The following VPS26C variants were observed in gnomAD, a reference collection of about 807,000 sequenced individuals.
VPS26C encodes vacuolar protein sorting-associated protein 26C.
VPS26C carries 19 observed loss-of-function variants against 30.6 expected under a neutral mutation model. The ratio of observed to expected loss-of-function variants is 0.62; its 90% CI spans 0.43 to 0.91. The LOEUF (loss-of-function observed/expected upper bound fraction) is 0.91, where lower values mean the gene tolerates loss of function less well. Among genes scored for constraint, VPS26C ranks in the 40% least tolerant of loss-of-function variants. VPS26C has a pLI of 0.00. For synonymous variants in VPS26C, 132 were observed against 151.5 expected, an observed-to-expected ratio of 0.87 and a Z score of 0.95; for missense variants, 318 against 385.1, an observed-to-expected ratio of 0.83 and a Z score of 1.46.
chr21:37,225,665 AC>A (rs746176116), intron 7 of VPS26C, 39 bp from the exon 8 acceptor site: 33 of 1,560,598 alleles, frequency 2.1e-5, no homozygotes, highest in Non-Finnish European at 2.9e-5. Flanking sequence ...GCTCACTGTT[AC>A]CAAGCAGCGA....
chr21:37,266,772 T>C (rs1009964798), intron 1 of VPS26C: 6 of 184,560 alleles, frequency 3.3e-5, no homozygotes, highest in African/African-American at 7.2e-5. Context: ...CCATCTAATA[T>C]ATGCTGCCGC....
chr21:37,263,804 G>A (rs916313125), intron 1 of VPS26C, among the ~76,000 whole-genome samples: 3 of 152,110 alleles, frequency 2.0e-5, no homozygotes, highest in African/African-American at 7.2e-5. Flanking sequence ...TCAAATCTTT[G>A]GTAACTGAAT....
intron 1 of VPS26C, among the ~76,000 whole-genome samples, chr21:37,255,141 A>G (rs1341810409): frequency 6.6e-6 from 1 of 152,224 alleles, no homozygotes; most frequent in Non-Finnish European, 1.5e-5. Context: ...TCAAACTATC[A>G]TGACTGTATT....
At chr21:37,252,872 GA>G (rs1331547402) in intron 1 of VPS26C, among the ~76,000 whole-genome samples, 1 of 152,162 alleles carries the variant, frequency 6.6e-6, no homozygotes, top group East Asian at 1.9e-4. Context: ...TGACATTCTG[GA>G]AAAAGCAAAC....
At chr21:37,252,452 A>C (rs1258297165) in intron 1 of VPS26C, among the ~76,000 whole-genome samples, 2 of 152,202 alleles carry the variant, frequency 1.3e-5, no homozygotes, top group African/African-American at 4.8e-5. Context: ...AGTTCCAGGA[A>C]AGAGAATTTT....
chr21:37,236,301 G>A (rs769615105), intron 3 of VPS26C, among the ~76,000 whole-genome samples: 1 of 152,088 alleles, frequency 6.6e-6, no homozygotes, highest in African/African-American at 2.4e-5. Flanking sequence ...GTCTCTGGGC[G>A]GCACTTGCTC....
At position 37,240,602 on chromosome 21, in the gene VPS26C, T is replaced by G. The variant is rs2086076393; in HGVS notation, c.95A>C (p.Asp32Ala). 2.5e-6 allele frequency: 4 copies of G among 1,614,086 alleles called. No homozygotes were observed. The South Asian group carries it at 4.4e-5, about 18-fold the overall frequency. Residue 32 changes from aspartate to alanine, a missense_variant, in exon 2 of 8, where the codon GAT becomes GCT. By Grantham distance (126) the Asp-to-Ala change is moderately radical (BLOSUM62 -2). Coordinates refer to ENST00000309117, the MANE Select transcript of VPS26C (RefSeq NM_006052.2). ...LSGVVVISSKDSVQHQGVSLT... is the reference protein window; with the variant it reads ...LSGVVVISSKASVQHQGVSLT... ...AGACACTCCCTGGTGTTGGACTGAA[T>G]CCTTACTCGATATGACCACCACGCC...
rs1347533879 is a variant in VPS26C, at chr21:37,257,772, G to A, written c.57+9466C>T. Among the ~76,000 whole-genome samples, 1 of 152,182 alleles carries A rather than the reference G, an allele frequency of 6.6e-6. No individual in the cohort carries two copies. Among genetic ancestry groups the A allele is most frequent in the African/African-American group, 2.4e-5 (1 of 41,440 alleles). On this transcript the variant is annotated intron_variant, in intron 1 of 7. Coordinates refer to ENST00000309117, the MANE Select transcript of VPS26C (RefSeq NM_006052.2). The surrounding 1 kb of genome is among the most constrained non-coding windows in gnomAD (Gnocchi z 4.2). The stretch of plus-strand genomic sequence containing the variant: ...GGGAGCGAGGGTACCAGAGGCGTGG[G>A]AGGACGGGGACAAAGGGGCAGCAAG...
chr21:37,226,482 C>T lies in VPS26C; in HGVS notation c.812-856G>A, dbSNP rs920412231. ...GTCCTTCCTCACTTTATTGTCACTA[C>T]ATTAGAGTCCTCTGGGCACTTCCTG... On this transcript the variant is annotated intron_variant, in intron 7 of 7. Coordinates refer to ENST00000309117, the MANE Select transcript of VPS26C (RefSeq NM_006052.2). This position sits in a 1 kb window ranked among gnomAD's most constrained non-coding sequence, Gnocchi z 4.1. 6.6e-6 allele frequency: 1 copy of T among 152,308 alleles called. No individual in the cohort carries two copies. Among genetic ancestry groups the T allele is most frequent in the Non-Finnish European group, 1.5e-5 (1 of 68,138 alleles). The allele number at this position is 152,308 out of a possible 1,614,324, so 9.4% of individuals were successfully genotyped here. A position where few individuals can be genotyped will look rare whatever the true frequency, so the allele number is the denominator to read the frequency against.
intron 1 of VPS26C, among the ~76,000 whole-genome samples, chr21:37,265,209 G>A (rs572433956): frequency 9.8e-5 from 15 of 152,346 alleles, no homozygotes; most frequent in Non-Finnish European, 1.8e-4. Context: ...AGATCGTGGT[G>A]ATGGGTGTGC....
chr21:37,253,395 A>G (rs77221929), intron 1 of VPS26C, among the ~76,000 whole-genome samples: 63 of 152,294 alleles, frequency 4.1e-4, no homozygotes, highest in African/African-American at 1.4e-3. Flanking sequence ...GGTTCCTTCT[A>G]CGTATGGTAT....
intron 7 of VPS26C, 158 bp downstream of exon 7, chr21:37,227,496 C>T (rs1037048781): frequency 6.1e-6 from 5 of 815,322 alleles, no homozygotes; most frequent in African/African-American, 3.4e-5. Context: ...GTTGAGCAGC[C>T]GAAGGGCAGC....
intron 1 of VPS26C, among the ~76,000 whole-genome samples, chr21:37,250,672 T>G (rs2086183628): frequency 6.6e-6 from 1 of 150,810 alleles, no homozygotes; most frequent in Non-Finnish European, 1.5e-5. Context: ...GAGGCCGAGG[T>G]GGGTGGATCA....
intron 3 of VPS26C, among the ~76,000 whole-genome samples, chr21:37,234,881 C>T (rs1329490386): frequency 4.6e-5 from 7 of 151,976 alleles, no homozygotes; most frequent in African/African-American, 1.7e-4. Flanking sequence ...CTCACTCTGT[C>T]ACCCAGGCTG....
In VPS26C at chr21:37,257,452, A is replaced by G. The variant is rs2086255360; in HGVS notation, c.57+9786T>C. ...GGTCAGCCCACCTAGCCGATGGCTA[A>G]CAAGTCAGTTTGTTTTCTGAACGGA... On this transcript the variant is annotated intron_variant, in intron 1 of 7. Transcript: ENST00000309117. This position sits in a 1 kb window ranked among gnomAD's most constrained non-coding sequence, Gnocchi z 4.2. Among the ~76,000 whole-genome samples, 1 of 152,234 alleles carries G rather than the reference A, an allele frequency of 6.6e-6. No homozygotes were observed. Among genetic ancestry groups the G allele is most frequent in the Non-Finnish European group, 1.5e-5 (1 of 68,040 alleles).
In VPS26C at chr21:37,233,236, TTG is replaced by T; in HGVS notation, c.432+124_432+125del. 1.3e-6 allele frequency: 1 copy of T among 774,138 alleles called. No individual in the cohort carries two copies. The highest frequency in any genetic ancestry group is 2.2e-6 in the Non-Finnish European group (1 of 455,574). 48.0% of individuals were successfully genotyped at this position (774,138 alleles called of 1,614,324 possible). A position where few individuals can be genotyped will look rare whatever the true frequency, so the allele number is the denominator to read the frequency against. On this transcript the variant is annotated intron_variant, in intron 4 of 7. Coordinates refer to ENST00000309117, the MANE Select transcript of VPS26C (RefSeq NM_006052.2). This position sits in a 1 kb window ranked among gnomAD's most constrained non-coding sequence, Gnocchi z 5.2. ...ACCGACTGTCTCTGACCCAGAAGTCTTGTGTCTTCTGCCAGCACCCGTGAAAC... is the reference window on the plus strand; with the variant it reads ...ACCGACTGTCTCTGACCCAGAAGTCTTGTCTTCTGCCAGCACCCGTGAAAC...
chr21:37,230,456 A>G (rs2085949693), intron 5 of VPS26C: 1 of 152,266 alleles, frequency 6.6e-6, no homozygotes, highest in Non-Finnish European at 1.5e-5. Flanking sequence ...AAAAATCTAC[A>G]AGATTTTCTA....
upstream of VPS26C, chr21:37,267,445 A>T (rs978354705): frequency 1.7e-6 from 1 of 601,780 alleles, no homozygotes; most frequent in Non-Finnish European, 2.8e-6. Context: ...CACACTCCCT[A>T]GCTCCGAGGG....
intron 3 of VPS26C, among the ~76,000 whole-genome samples, chr21:37,236,983 G>C (rs2086032119): frequency 6.6e-6 from 1 of 152,148 alleles, no homozygotes; most frequent in South Asian, 2.1e-4. Flanking sequence ...ATCTTGCGTT[G>C]TTGCCCAGGC....
Sources: allele counts gnomAD v4.1 joint callset (sites outside exome capture counted in the v4.1 genomes callset), GRCh38; gene constraint gnomAD v4.1.1; non-coding constraint Gnocchi (gnomAD v3.1); transcripts MANE v1.5; gene names NCBI Gene and HGNC (gene_info 2026-07-23, HGNC 2026-07-21).